Variants in TMCC1 observed in about 807,000 individuals in gnomAD.
TMCC1 encodes transmembrane and coiled-coil domains protein 1.
In TMCC1, 15 loss-of-function variants were observed where a neutral mutation model predicts 52.4. The observed-to-expected ratio is 0.29, with a 90% CI of 0.19 to 0.44. The LOEUF (loss-of-function observed/expected upper bound fraction) is 0.44. Ranked by LOEUF, TMCC1 falls within the 20% of genes least tolerant of loss-of-function variation. TMCC1 has a pLI of 1.00. For synonymous variants in TMCC1, 279 were observed against 301.9 expected (o/e 0.92, Z 0.79); for missense variants, 503 against 806.0 (o/e 0.62, Z 4.55).
At chr3:129,794,704 T>TA (rs2056704102) in intron 4 of TMCC1, among the ~76,000 whole-genome samples, 2 of 151,996 alleles carry the variant, frequency 1.3e-5, no homozygotes, top group Non-Finnish European at 2.9e-5. Flanking sequence ...GCTGTGGTGC[T>TA]ACCTGAAACT....
At chr3:129,751,385 C>A (rs1340274773) in intron 4 of TMCC1, among the ~76,000 whole-genome samples, 1 of 151,786 alleles carries the variant, frequency 6.6e-6, no homozygotes, top group Non-Finnish European at 1.5e-5. Context: ...TAAAAATTAG[C>A]TGGGCATGGT....
intron 4 of TMCC1, among the ~76,000 whole-genome samples, chr3:129,673,207 T>C (rs2088113090): frequency 6.6e-6 from 1 of 152,002 alleles, no homozygotes; most frequent in Non-Finnish European, 1.5e-5. Context: ...TAACAAGCAG[T>C]GGAATGGACA....
At chr3:129,678,958 C>T (rs967383484) in intron 4 of TMCC1, among the ~76,000 whole-genome samples, 1 of 152,206 alleles carries the variant, frequency 6.6e-6, no homozygotes, top group Non-Finnish European at 1.5e-5. Context: ...GATTACGACA[C>T]TCTTTTTATA....
intron 4 of TMCC1, among the ~76,000 whole-genome samples, chr3:129,757,423 C>T (rs997189724): frequency 5.3e-5 from 8 of 152,216 alleles, no homozygotes; most frequent in African/African-American, 1.9e-4. Context: ...TACTGTGTCT[C>T]ACCTGACACA....
intron 2 of TMCC1, among the ~76,000 whole-genome samples, chr3:129,878,604 A>G (rs552957733): frequency 2.6e-5 from 4 of 152,160 alleles, no homozygotes; most frequent in Non-Finnish European, 4.4e-5. Flanking sequence ...TCCTTGCCCA[A>G]TCCACCACTA....
At chr3:129,691,864 C>CT (rs1283012863) in intron 4 of TMCC1, among the ~76,000 whole-genome samples, 1 of 152,072 alleles carries the variant, frequency 6.6e-6, no homozygotes, top group Non-Finnish European at 1.5e-5. Flanking sequence ...ATAATGTCTC[C>CT]TAAATTAAAG....
intron 6 of TMCC1, among the ~76,000 whole-genome samples, chr3:129,652,668 A>G (rs999756785): frequency 1.8e-4 from 27 of 152,252 alleles, no homozygotes; most frequent in African/African-American, 6.5e-4. Flanking sequence ...ATAGCATCAC[A>G]TGACAGACAA....
At chr3:129,710,061 C>T (rs1373633521) in intron 4 of TMCC1, among the ~76,000 whole-genome samples, 1 of 152,094 alleles carries the variant, frequency 6.6e-6, no homozygotes, top group Non-Finnish European at 1.5e-5. Flanking sequence ...TGGCATGTGC[C>T]TGTAGTCCCA....
intron 2 of TMCC1, among the ~76,000 whole-genome samples, chr3:129,835,141 C>T (rs889205148): frequency 1.3e-5 from 2 of 152,092 alleles, no homozygotes; most frequent in Non-Finnish European, 1.5e-5. Context: ...AAAATGGAAA[C>T]GTTTTAACTA....
intron 2 of TMCC1, among the ~76,000 whole-genome samples, chr3:129,867,952 G>A (rs1012144045): frequency 2.0e-5 from 3 of 152,102 alleles, no homozygotes; most frequent in Admixed American, 6.6e-5. Flanking sequence ...TGCCTAATAC[G>A]TGCCAAGAAC....
intron 4 of TMCC1, chr3:129,688,295 A>G: frequency 1.1e-5 from 11 of 985,348 alleles, no homozygotes; most frequent in Non-Finnish European, 1.3e-5. Context: ...TCTCTTGGCT[A>G]TAAGCTCTTT....
chr3:129,821,650 T>C (rs1000498459), intron 4 of TMCC1, among the ~76,000 whole-genome samples: 3 of 152,208 alleles, frequency 2.0e-5, no homozygotes, highest in Admixed American at 6.5e-5. Flanking sequence ...ACTATAACTC[T>C]GCAACATTTT....
At chr3:129,684,324 C>T (rs1283540800) in intron 4 of TMCC1, among the ~76,000 whole-genome samples, 1 of 152,188 alleles carries the variant, frequency 6.6e-6, no homozygotes, top group Non-Finnish European at 1.5e-5. Context: ...ATGCTTAAGC[C>T]TCTGTGAGGG....
At chr3:129,847,873 T>C (rs756011827) in intron 2 of TMCC1, 1 of 152,224 alleles carries the variant, frequency 6.6e-6, no homozygotes, top group Non-Finnish European at 1.5e-5. Context: ...CTAGGGAGTA[T>C]GCAGTGGTAT....
chr3:129,762,500 T>A (rs1457327992), intron 4 of TMCC1, among the ~76,000 whole-genome samples: 2 of 152,148 alleles, frequency 1.3e-5, no homozygotes, highest in Admixed American at 1.3e-4. Flanking sequence ...GACAAAAAAA[T>A]ATCTAGGCTG....
intron 4 of TMCC1, among the ~76,000 whole-genome samples, chr3:129,758,844 C>T (rs1490252942): frequency 6.6e-6 from 1 of 152,196 alleles, no homozygotes; most frequent in East Asian, 1.9e-4. Flanking sequence ...CTCTTCCCAG[C>T]CCCTGGCAAC....
chr3:129,799,239 G>A (rs72985380), intron 4 of TMCC1, among the ~76,000 whole-genome samples: 14,767 of 152,110 alleles, frequency 0.097, 844 homozygotes, highest in Middle Eastern at 0.16. Flanking sequence ...TTCTATATTA[G>A]CAATGTTTTG....
At chr3:129,664,369 A>C (rs1285212599) in intron 5 of TMCC1, among the ~76,000 whole-genome samples, 1 of 152,194 alleles carries the variant, frequency 6.6e-6, no homozygotes, top group Non-Finnish European at 1.5e-5. Context: ...ATATTTAAAC[A>C]ACCATTTGTT....
At chr3:129,804,053 C>A (rs1040015436) in intron 4 of TMCC1, among the ~76,000 whole-genome samples, 3 of 152,124 alleles carry the variant, frequency 2.0e-5, no homozygotes, top group South Asian at 2.1e-4. Flanking sequence ...ACAAACAACT[C>A]TTCTCTTATA....
Sources: allele counts gnomAD v4.1 joint callset (sites outside exome capture counted in the v4.1 genomes callset), GRCh38; gene constraint gnomAD v4.1.1; transcripts MANE v1.5; gene names NCBI Gene and HGNC (gene_info 2026-07-23, HGNC 2026-07-21).